Variants in ARHGAP22 observed in about 807,000 individuals in gnomAD.
ARHGAP22 encodes the protein Rho GTPase activating protein 22.
In ARHGAP22, 48 loss-of-function variants were observed where a neutral mutation model predicts 59.1. The observed-to-expected ratio is 0.81, with a 90% CI of 0.64 to 1.03. The LOEUF (loss-of-function observed/expected upper bound fraction) is 1.03. Ranked by LOEUF, ARHGAP22 falls within the 50% of genes least tolerant of loss-of-function variation. ARHGAP22 has a pLI of 0.00. For missense variants in ARHGAP22, 1,015 were observed against 958.7 expected, an observed-to-expected ratio of 1.06 and a Z score of -0.78; for synonymous variants, 445 against 416.4, an observed-to-expected ratio of 1.07 and a Z score of -0.84.
intron 3 of ARHGAP22, among the ~76,000 whole-genome samples, chr10:48,540,528 G>A (rs2055835443): frequency 6.6e-6 from 1 of 152,184 alleles, no homozygotes; most frequent in South Asian, 2.1e-4. Flanking sequence ...ACCATGCCCT[G>A]CCAGCTCCTG....
At chr10:48,637,670 T>C (rs2061877460) in intron 1 of ARHGAP22, among the ~76,000 whole-genome samples, 1 of 151,964 alleles carries the variant, frequency 6.6e-6, no homozygotes, top group Non-Finnish European at 1.5e-5. Context: ...GGATGGTGGA[T>C]GAGTGGATGG....
At chr10:48,510,231 C>G (rs992665200) in intron 3 of ARHGAP22, among the ~76,000 whole-genome samples, 7 of 152,290 alleles carry the variant, frequency 4.6e-5, no homozygotes, top group Middle Eastern at 3.4e-3. Context: ...ATGCTCCCCC[C>G]ATAAAACAGT....
At chr10:48,630,202 C>T (rs151106545) in intron 1 of ARHGAP22, among the ~76,000 whole-genome samples, 2,049 of 152,300 alleles carry the variant, frequency 0.013, 18 homozygotes, top group Non-Finnish European at 0.022. Flanking sequence ...AGTGATTCTC[C>T]TGCCTCAGCC....
the ARHGAP22 span, chr10:48,436,642 A>T: frequency 1.3e-5 from 2 of 152,216 alleles, no homozygotes; most frequent in African/African-American, 4.8e-5. Flanking sequence ...TTTTATTCAT[A>T]TATTTAGTGC....
At chr10:48,628,682 T>C (rs190677834) in intron 1 of ARHGAP22, among the ~76,000 whole-genome samples, 43 of 152,298 alleles carry the variant, frequency 2.8e-4, no homozygotes, top group Non-Finnish European at 1.0e-4. Flanking sequence ...AGTTATCGAG[T>C]CATGGCCTTG....
downstream of ARHGAP22, among the ~76,000 whole-genome samples, chr10:48,441,999 TC>T (rs1447792072): frequency 2.6e-5 from 4 of 152,208 alleles, no homozygotes; most frequent in African/African-American, 9.7e-5. Flanking sequence ...AAGTAGGTGT[TC>T]CATAAATGGT....
intron 3 of ARHGAP22, among the ~76,000 whole-genome samples, chr10:48,489,758 G>T (rs2050192241): frequency 7.0e-6 from 1 of 143,136 alleles, no homozygotes; most frequent in South Asian, 2.2e-4. Context: ...TTTTGAGACG[G>T]AGTCTCACAC....
chr10:48,583,867 C>T (rs2059267673), intron 1 of ARHGAP22, among the ~76,000 whole-genome samples: 1 of 152,192 alleles, frequency 6.6e-6, no homozygotes, highest in South Asian at 2.1e-4. Context: ...CACTCCTACC[C>T]CAGAGCCTCT....
At chr10:48,642,835 C>G (rs2062109621) in intron 1 of ARHGAP22, among the ~76,000 whole-genome samples, 1 of 152,172 alleles carries the variant, frequency 6.6e-6, no homozygotes, top group Non-Finnish European at 1.5e-5. Context: ...TTACAATCTA[C>G]TCATCTGACA....
intron 2 of ARHGAP22, among the ~76,000 whole-genome samples, chr10:48,572,294 G>C (rs997556288): frequency 1.3e-5 from 2 of 152,202 alleles, no homozygotes; most frequent in Non-Finnish European, 2.9e-5. Context: ...CTAGCCCTAA[G>C]AAACAAGTGC....
intron 2 of ARHGAP22, among the ~76,000 whole-genome samples, chr10:48,560,132 A>G (rs1470544723): frequency 6.6e-6 from 1 of 152,202 alleles, no homozygotes; most frequent in Non-Finnish European, 1.5e-5. Context: ...TAGTAGTATT[A>G]GAACTCCAAC....
chr10:48,551,466 G>A (rs1590122440), intron 3 of ARHGAP22, among the ~76,000 whole-genome samples: 1 of 152,244 alleles, frequency 6.6e-6, no homozygotes, highest in East Asian at 1.9e-4. Context: ...TCCTTGCCTG[G>A]GTAACCATGA....
intron 3 of ARHGAP22, among the ~76,000 whole-genome samples, chr10:48,522,897 G>A (rs918574581): frequency 4.6e-5 from 7 of 152,222 alleles, no homozygotes; most frequent in East Asian, 1.9e-4. Flanking sequence ...GATTAACTGG[G>A]CTCCATTTTC....
intron 2 of ARHGAP22, chr10:48,575,199 G>A (rs1172261864): frequency 1.3e-5 from 2 of 152,178 alleles, no homozygotes; most frequent in Non-Finnish European, 2.9e-5. Context: ...CAGAAGCTGA[G>A]CAGAGGTCAG....
At chr10:48,547,780 G>A (rs896226456) in intron 3 of ARHGAP22, among the ~76,000 whole-genome samples, 5 of 152,208 alleles carry the variant, frequency 3.3e-5, no homozygotes, top group African/African-American at 9.7e-5. Context: ...CCATCGGCTC[G>A]GTGCAATGTT....
chr10:48,533,388 GC>G (rs2055048669), intron 3 of ARHGAP22, among the ~76,000 whole-genome samples: 1 of 152,144 alleles, frequency 6.6e-6, no homozygotes, highest in South Asian at 2.1e-4. Context: ...AAAATTTAAA[GC>G]CTGGCTTTGG....
chr10:48,494,575 C>A (rs1242187791), intron 3 of ARHGAP22, among the ~76,000 whole-genome samples: 1 of 152,222 alleles, frequency 6.6e-6, no homozygotes, highest in Non-Finnish European at 1.5e-5. Context: ...GCCCATCTAT[C>A]CATCTGCTCA....
At chr10:48,538,668 A>G (rs2055606871) in intron 3 of ARHGAP22, among the ~76,000 whole-genome samples, 1 of 152,236 alleles carries the variant, frequency 6.6e-6, no homozygotes, top group African/African-American at 2.4e-5. Flanking sequence ...TACACCTGGG[A>G]ATGCACTACA....
Position 48,494,227 on chromosome 10 carries a change from C to T in ARHGAP22, c.323-14463G>A, listed in dbSNP as rs556011185. Among the ~76,000 whole-genome samples, 67 of 152,304 alleles carry T rather than the reference C, an allele frequency of 4.4e-4. 1 individual carries two copies. Among genetic ancestry groups the T allele is most frequent in the African/African-American group, 1.5e-3 (64 of 41,572 alleles). On this transcript the variant is annotated intron_variant, in intron 3 of 9. Transcript: ENST00000249601. ...AGCTTTCAGTGGCCCAGGGTCACCACGCTGGGAAATGGCACAGCCAGGATT... is the reference window on the plus strand; with the variant it reads ...AGCTTTCAGTGGCCCAGGGTCACCATGCTGGGAAATGGCACAGCCAGGATT...
Sources: allele counts gnomAD v4.1 joint callset (sites outside exome capture counted in the v4.1 genomes callset), GRCh38; gene constraint gnomAD v4.1.1; transcripts MANE v1.5; gene names NCBI Gene and HGNC (gene_info 2026-07-23, HGNC 2026-07-21).